The following ZNF385B variants were observed in gnomAD, a reference collection of about 807,000 sequenced individuals.
The protein encoded by ZNF385B is zinc finger protein 533.
Under a neutral mutation model 39.2 loss-of-function variants are expected in ZNF385B, and 23 were observed. The ratio of observed to expected loss-of-function variants is 0.59; its 90% CI spans 0.42 to 0.83. ZNF385B has a LOEUF of 0.83. Ranked by LOEUF, ZNF385B falls within the 40% of genes least tolerant of loss-of-function variation. The pLI, the probability that ZNF385B is intolerant of heterozygous loss-of-function variation, is 0.00. For missense variants in ZNF385B, 552 were observed against 598.9 expected (o/e 0.92, Z 0.82); for synonymous variants, 205 against 222.6 (o/e 0.92, Z 0.70).
At chr2:179,746,542 A>G (rs17773667) in intron 3 of ZNF385B, among the ~76,000 whole-genome samples, 14,082 of 152,214 alleles carry the variant, frequency 0.093, 726 homozygotes, top group Non-Finnish European at 0.11. Flanking sequence ...AATACCATCA[A>G]TTTTATTCTA....
rs1698605999 is a variant in ZNF385B at position 179,694,868 on chromosome 2, T to TGC, written c.298+74633_298+74634dup. Among the ~76,000 whole-genome samples, 3 of 151,862 alleles carry TGC rather than the reference T, an allele frequency of 2.0e-5. 1 individual carries two copies. The South Asian group carries it at 6.2e-4, about 32-fold the overall frequency. On this transcript the variant is annotated intron_variant, in intron 3 of 9. Transcript: ENST00000410066. ...TCTCTTGAACCTGGGAGGTGGAGGT[T>TGC]GCAGTGAGCCGAGATTGCACCACTG... is the stretch of plus-strand genomic sequence containing the variant.
intron 6 of ZNF385B, among the ~76,000 whole-genome samples, chr2:179,476,933 C>T (rs12989888): frequency 0.23 from 34,802 of 152,116 alleles, 4,470 homozygotes; most frequent in East Asian, 0.46. Flanking sequence ...TTTGGCCTCT[C>T]GGATTTAGAT....
intron 3 of ZNF385B, among the ~76,000 whole-genome samples, chr2:179,554,178 T>A (rs1285535466): frequency 6.7e-6 from 1 of 149,186 alleles, no homozygotes; most frequent in Non-Finnish European, 1.5e-5. Flanking sequence ...CTACTCCTAA[T>A]CCTTGACACT....
chr2:179,615,366 G>A (rs531192954), intron 3 of ZNF385B, among the ~76,000 whole-genome samples: 1 of 152,146 alleles, frequency 6.6e-6, no homozygotes, highest in Non-Finnish European at 1.5e-5. Flanking sequence ...GTACCAGCAG[G>A]AGAAGCAATA....
intron 1 of ZNF385B, among the ~76,000 whole-genome samples, chr2:179,792,353 G>A: frequency 7.1e-6 from 1 of 141,436 alleles, no homozygotes; most frequent in Admixed American, 7.2e-5. Context: ...GACTGAAGAA[G>A]TAGGCCATTT....
chr2:179,443,274 G>C lies in ZNF385B; in HGVS notation c.1437C>G (p.Ala479=), dbSNP rs2049123421. 1.9e-6 allele frequency: 3 copies of C among 1,612,498 alleles called. No homozygotes were observed. Among genetic ancestry groups the C allele is most frequent in the Non-Finnish European group, 2.5e-6 (3 of 1,180,026 alleles). ...PGHGPIRATP[A]SILFAPY ...GTTAGTACGGAGCAAAGAGGATGGA[G>C]GCAGGAGTGGCGCGGATGGGCCCAT... The change falls in exon 10 of 10, where the codon GCC becomes GCG. Residue 479 remains alanine, a synonymous_variant. Transcript: ENST00000410066.
intron 3 of ZNF385B, among the ~76,000 whole-genome samples, chr2:179,664,567 T>A (rs2106286444): frequency 6.6e-6 from 1 of 152,294 alleles, no homozygotes; most frequent in Non-Finnish European, 1.5e-5. Flanking sequence ...AAAATTGTTG[T>A]GTGAGTGAAA....
chr2:179,634,624 C>A lies in ZNF385B; in HGVS notation c.299-89655G>T, dbSNP rs547876614. 2.1e-3 allele frequency among the ~76,000 whole-genome samples: 316 copies of A among 152,088 alleles called. 2 individuals carry two copies. Among genetic ancestry groups the A allele is most frequent in the African/African-American group, 6.8e-3 (284 of 41,546 alleles). Reference sequence around the variant, plus strand: ...TTGGTGGGAGTGTAAATTAGTTCAACCATTGTGGAAGACAGTGTGGCGATT... The same window carrying A: ...TTGGTGGGAGTGTAAATTAGTTCAAACATTGTGGAAGACAGTGTGGCGATT... On this transcript the variant is annotated intron_variant, in intron 3 of 9. Coordinates refer to ENST00000410066, the MANE Select transcript of ZNF385B (RefSeq NM_152520.6).
chr2:179,702,750 G>A (rs940837651), intron 3 of ZNF385B, among the ~76,000 whole-genome samples: 17 of 152,276 alleles, frequency 1.1e-4, no homozygotes, highest in African/African-American at 4.1e-4. Context: ...AGTTAAGATT[G>A]GTTAAGTATG....
At chr2:179,552,751 A>T (rs887336886) in intron 3 of ZNF385B, among the ~76,000 whole-genome samples, 1 of 149,140 alleles carries the variant, frequency 6.7e-6, no homozygotes, top group Non-Finnish European at 1.5e-5. Flanking sequence ...TGGCTATATG[A>T]ATAGGGGAGG....
rs565158936 is a variant in ZNF385B at position 179,551,071 on chromosome 2, G to A, written c.299-6102C>T. Among the ~76,000 whole-genome samples, 7 of 152,062 alleles carry A rather than the reference G, an allele frequency of 4.6e-5. No homozygotes were observed. The South Asian group carries it at 1.2e-3, about 27-fold the overall frequency. ...TGTATAAACTATCTGGCAATATTACGTAAGACACCTCCTATTTGTAGTTCT... is the reference window on the plus strand; with the variant it reads ...TGTATAAACTATCTGGCAATATTACATAAGACACCTCCTATTTGTAGTTCT... On this transcript the variant is annotated intron_variant, in intron 3 of 9. Transcript: ENST00000410066.
At chr2:179,791,106 C>A (rs970789605) in intron 1 of ZNF385B, among the ~76,000 whole-genome samples, 1 of 152,154 alleles carries the variant, frequency 6.6e-6, no homozygotes, top group African/African-American at 2.4e-5. Flanking sequence ...TTTCAAAATG[C>A]AAACTGACAT....
chr2:179,680,105 T>A (rs1239809677), intron 3 of ZNF385B, among the ~76,000 whole-genome samples: 1 of 152,198 alleles, frequency 6.6e-6, no homozygotes, highest in Non-Finnish European at 1.5e-5. Context: ...CAAGATTGGT[T>A]AAACATTCCA....
At chr2:179,483,212 G>C in intron 6 of ZNF385B, 60 bp downstream of exon 6, 1 of 1,588,026 alleles carries the variant, frequency 6.3e-7, no homozygotes, top group Non-Finnish European at 8.6e-7. Context: ...AGGAAAACGG[G>C]GTCAGGGCAG....
At chr2:179,839,592 G>A (rs924861605) in intron 1 of ZNF385B, among the ~76,000 whole-genome samples, 8 of 151,962 alleles carry the variant, frequency 5.3e-5, no homozygotes, top group South Asian at 2.1e-4. Context: ...TGTTTCAGAC[G>A]GCCACCTATA....
intron 1 of ZNF385B, among the ~76,000 whole-genome samples, chr2:179,782,905 G>C (rs1195473302): frequency 3.3e-5 from 5 of 152,130 alleles, no homozygotes; most frequent in Non-Finnish European, 7.4e-5. Context: ...TGGCTATACT[G>C]CCCAAAGCAA....
intron 3 of ZNF385B, among the ~76,000 whole-genome samples, chr2:179,739,174 A>G (rs1235731989): frequency 6.6e-6 from 1 of 152,220 alleles, no homozygotes; most frequent in Non-Finnish European, 1.5e-5. Flanking sequence ...TACATATAAA[A>G]CGTCTTGCAT....
At chr2:179,642,865 T>C (rs1692390677) in intron 3 of ZNF385B, among the ~76,000 whole-genome samples, 1 of 152,158 alleles carries the variant, frequency 6.6e-6, no homozygotes, top group African/African-American at 2.4e-5. Context: ...GTAAACCTAT[T>C]TTGAATATTC....
intron 3 of ZNF385B, chr2:179,562,639 C>T (rs1684056107): frequency 2.1e-6 from 2 of 963,592 alleles, no homozygotes; most frequent in African/African-American, 3.5e-5. Flanking sequence ...AGAAAACCTT[C>T]TGATGACACA....
Sources: gnomAD v4.1 joint callset for allele counts (sites outside exome capture counted in the v4.1 genomes callset) on GRCh38, gnomAD v4.1.1 for gene constraint, MANE v1.5 for transcripts, NCBI Gene and HGNC (gene_info 2026-07-23, HGNC 2026-07-21) for gene names.